TRAP1: variants seen among roughly 807,000 people sequenced by gnomAD.
The protein encoded by TRAP1 is heat shock protein 75 kDa, mitochondrial.
Under a neutral mutation model 89.1 loss-of-function variants are expected in TRAP1, and 102 were observed. The ratio of observed to expected loss-of-function variants is 1.15; its 90% CI spans 0.98 to 1.35. The LOEUF (loss-of-function observed/expected upper bound fraction) is 1.35, where lower values mean the gene tolerates loss of function less well. TRAP1 is among the 40% of genes most tolerant of loss of function. The pLI, the probability that TRAP1 is intolerant of heterozygous loss-of-function variation, is 0.00. For missense variants in TRAP1, 1,256 were observed against 945.3 expected (o/e 1.33, Z -4.31); for synonymous variants, 508 against 388.0 (o/e 1.31, Z -3.64).
chr16:3,701,951 C>T (rs2051371200), intron 1 of TRAP1, among the ~76,000 whole-genome samples: 1 of 152,138 alleles, frequency 6.6e-6, no homozygotes, highest in African/African-American at 2.4e-5. Flanking sequence ...TGGCTCACAC[C>T]TGTTATCCCA....
chr16:3,715,333 G>C (rs1025335845), intron 1 of TRAP1, among the ~76,000 whole-genome samples: 1 of 152,116 alleles, frequency 6.6e-6, no homozygotes, highest in East Asian at 1.9e-4. Flanking sequence ...AGCTACTCGG[G>C]AGGCTGAGGC....
At position 3,663,469 on chromosome 16, in the gene TRAP1, C is replaced by T. The variant is rs1430495508; in HGVS notation, c.1663G>A (p.Val555Ile). The T allele has an allele frequency of 6.8e-6, 11 of 1,614,222 alleles. No homozygotes were observed. The highest frequency in any genetic ancestry group is 5.0e-5 in the Admixed American group (3 of 60,022). ...TTCTCCTCCTTGTAGTGATCCACGA[C>T]TATGTCCGTCTCCACAGAGATCAGC... is the stretch of plus-strand genomic sequence containing the variant. ...KKLISVETDI[V>I]VDHYKEEKFE... is the part of the protein sequence containing the mutation. The change falls in exon 14 of 18, where the codon GTC (valine) becomes ATC (isoleucine). Residue 555 changes from valine to isoleucine, a missense_variant. Physicochemically the swap from Val to Ile is conservative, Grantham distance 29. Transcript: ENST00000246957.
chr16:3,716,560 A>G (rs2051600116), intron 1 of TRAP1, among the ~76,000 whole-genome samples: 1 of 152,256 alleles, frequency 6.6e-6, no homozygotes, highest in Non-Finnish European at 1.5e-5. Flanking sequence ...AAGATGTGGA[A>G]AGAATGCTGG....
Position 3,676,033 on chromosome 16 carries a change from C to T in TRAP1, c.814+3G>A. 1.2e-6 allele frequency: 2 copies of T among 1,611,384 alleles called. No individual in the cohort carries two copies. Among genetic ancestry groups the T allele is most frequent in the Non-Finnish European group, 1.7e-6 (2 of 1,178,732 alleles). On this transcript the variant is annotated splice_donor_region_variant and intron_variant, in intron 7 of 17. Transcript: ENST00000246957. ...GTGAGCCTGGGCCCGGGCTCCCGCTCACCTCGCACCCGGGCCTCGCTGGAA... is the reference window on the plus strand; with the variant it reads ...GTGAGCCTGGGCCCGGGCTCCCGCTTACCTCGCACCCGGGCCTCGCTGGAA...
rs190869129 is a variant in TRAP1, at chr16:3,688,614, C to A, written c.330+441G>T. On this transcript the variant is annotated intron_variant, in intron 3 of 17. Coordinates refer to ENST00000246957, the MANE Select transcript of TRAP1 (RefSeq NM_016292.3). ...CCTCCCACCCCAGCCTCCTGAGTAG[C>A]TGGGACCACAGGTCAGTGCCCCCAT... Among the ~76,000 whole-genome samples the A allele has an allele frequency of 3.4e-3, 517 of 152,222 alleles. 8 individuals carry two copies. The highest frequency in any genetic ancestry group is 0.03 in the Admixed American group (451 of 15,284).
intron 11 of TRAP1, among the ~76,000 whole-genome samples, chr16:3,670,300 G>A (rs1005486304): frequency 6.8e-6 from 1 of 146,194 alleles, no homozygotes; most frequent in South Asian, 2.2e-4. Flanking sequence ...GGAGAATGGC[G>A]TGAACCTAGG....
intron 2 of TRAP1, 119 bp from the exon 3 acceptor site, chr16:3,689,256 T>G: frequency 1.1e-6 from 1 of 911,836 alleles, no homozygotes; most frequent in Non-Finnish European, 1.6e-6. Flanking sequence ...TTTTTTTTTT[T>G]TTTTTTGAGA....
intron 11 of TRAP1, among the ~76,000 whole-genome samples, chr16:3,667,326 C>T (rs1009173860): frequency 7.9e-5 from 12 of 152,072 alleles, no homozygotes; most frequent in South Asian, 2.1e-4. Flanking sequence ...AATGGGTAAC[C>T]GTGCTAAGAA....
rs895085502 is a variant in TRAP1, at chr16:3,674,405, G to T, written c.978C>A (p.Arg326=). 1 of 1,614,170 alleles carries T rather than the reference G, an allele frequency of 6.2e-7. No individual in the cohort carries two copies. The highest frequency in any genetic ancestry group is 8.5e-7 in the Non-Finnish European group (1 of 1,180,038). ...CGTCCGTCTTATAGTGCAGGGTGTA[G>T]CGGGGCTTGTCGTGAGCCTGCGCGA... ...RYVAQAHDKP[R]YTLHYKTDAP... is the part of the protein sequence containing the mutation. Residue 326 remains arginine, a synonymous_variant, in exon 9 of 18, where the codon CGC becomes CGA. Coordinates refer to ENST00000246957, the MANE Select transcript of TRAP1 (RefSeq NM_016292.3).
intron 1 of TRAP1, among the ~76,000 whole-genome samples, chr16:3,710,881 T>TATATA (rs1567248386): frequency 3.0e-5 from 4 of 133,044 alleles, no homozygotes; most frequent in East Asian, 5.5e-4. Flanking sequence ...ATATATATAT[T>TATATA]TTTTTTTTTG....
At chr16:3,714,546 C>T (rs1355768780) in intron 1 of TRAP1, among the ~76,000 whole-genome samples, 1 of 152,164 alleles carries the variant, frequency 6.6e-6, no homozygotes, top group Non-Finnish European at 1.5e-5. Context: ...GTAGTCCCAG[C>T]TACGTGGGAG....
At chr16:3,679,099 G>A (rs932559931) in intron 5 of TRAP1, among the ~76,000 whole-genome samples, 9 of 152,150 alleles carry the variant, frequency 5.9e-5, no homozygotes, top group South Asian at 2.1e-4. Context: ...AGGATAGCCC[G>A]GCCAACATGG....
chr16:3,679,712 C>G lies in TRAP1; in HGVS notation c.543+7G>C. Reference sequence around the variant, plus strand: ...AGGGGGAGGCTGTGTGGGGGCCCCACGCTTACCTTTGACCCCGATCTGGCA... The same window carrying G: ...AGGGGGAGGCTGTGTGGGGGCCCCAGGCTTACCTTTGACCCCGATCTGGCA... On this transcript the variant is annotated splice_region_variant and intron_variant, in intron 5 of 17. Coordinates refer to ENST00000246957, the MANE Select transcript of TRAP1 (RefSeq NM_016292.3). 3 of 1,614,020 alleles carry G rather than the reference C, an allele frequency of 1.9e-6. No homozygotes were observed. Among genetic ancestry groups the G allele is most frequent in the East Asian group, 2.2e-5 (1 of 44,882 alleles).
intron 4 of TRAP1, chr16:3,680,033 C>G: frequency 2.3e-6 from 1 of 442,282 alleles, no homozygotes; most frequent in Non-Finnish European, 4.2e-6. Context: ...AGTTCAAGAC[C>G]AGCCTGGCCA....
intron 1 of TRAP1, among the ~76,000 whole-genome samples, chr16:3,707,857 CAAAA>C (rs60090855): frequency 8.8e-5 from 9 of 102,622 alleles, no homozygotes; most frequent in Admixed American, 1.0e-4. Flanking sequence ...GACTCTAACT[CAAAA>C]AAAAAAAAAA....
chr16:3,685,943 T>C, intron 4 of TRAP1, 53 bp downstream of exon 4: 1 of 1,592,752 alleles, frequency 6.3e-7, no homozygotes, highest in Non-Finnish European at 8.6e-7. Flanking sequence ...AGGCGGATCC[T>C]GTCCTTGCTG....
rs2050743262 is a variant in TRAP1 at position 3,663,570 on chromosome 16, T to TG, written c.1570-9dup. 6.2e-7 allele frequency: 1 copy of TG among 1,613,310 alleles called. No individual in the cohort carries two copies. The highest frequency in any genetic ancestry group is 1.7e-5 in the Admixed American group (1 of 59,994). On this transcript the variant is annotated splice_polypyrimidine_tract_variant and intron_variant, in intron 13 of 17. Transcript: ENST00000246957. ...CTCAAAGCAGAAGAGAACCTGCAGGTGGCCAAGAGCAGCTCCATCAGACCC... is the reference window on the plus strand; with the variant it reads ...CTCAAAGCAGAAGAGAACCTGCAGGTGGGCCAAGAGCAGCTCCATCAGACCC...
At chr16:3,683,592 G>A (rs1421056934) in intron 4 of TRAP1, among the ~76,000 whole-genome samples, 1 of 151,560 alleles carries the variant, frequency 6.6e-6, no homozygotes, top group Non-Finnish European at 1.5e-5. Context: ...CACCGTGCTG[G>A]CCAGGCTGGT....
At chr16:3,694,444 G>A (rs1303513559) in intron 1 of TRAP1, among the ~76,000 whole-genome samples, 5 of 151,868 alleles carry the variant, frequency 3.3e-5, no homozygotes, top group African/African-American at 7.3e-5. Context: ...CCTGGGTTCA[G>A]GCGATTCTCC....
Sources: allele counts gnomAD v4.1 joint callset (sites outside exome capture counted in the v4.1 genomes callset), GRCh38; gene constraint gnomAD v4.1.1; transcripts MANE v1.5; gene names NCBI Gene and HGNC (gene_info 2026-07-23, HGNC 2026-07-21).